TUBGCP5: variants seen among roughly 807,000 people sequenced by gnomAD.
TUBGCP5 encodes the protein tubulin gamma complex component 5, also known as gamma-tubulin complex component 5.
Under a neutral mutation model 134.7 loss-of-function variants are expected in TUBGCP5, and 98 were observed. The ratio of observed to expected loss-of-function variants is 0.73; its 90% CI spans 0.62 to 0.86. The LOEUF (loss-of-function observed/expected upper bound fraction) is 0.86. Ranked by LOEUF, TUBGCP5 falls within the 40% of genes least tolerant of loss-of-function variation. The pLI is 0.00. For missense variants in TUBGCP5, 1,150 were observed against 1,244.8 expected, an observed-to-expected ratio of 0.92 and a Z score of 1.15; for synonymous variants, 456 against 431.4, an observed-to-expected ratio of 1.06 and a Z score of -0.71.
Position 23,027,145 on chromosome 15 carries a change from CA to C in TUBGCP5, c.737+46del, listed in dbSNP as rs761920393. 7 of 1,406,498 alleles carry C rather than the reference CA, an allele frequency of 5.0e-6. No homozygotes were observed. In the South Asian group the frequency reaches 8.9e-5, roughly 18 times the overall value. 87.1% of individuals were successfully genotyped at this position (1,406,498 alleles called of 1,614,324 possible). A position where few individuals can be genotyped will look rare whatever the true frequency, so the allele number is the denominator to read the frequency against. ...AAATCAAAGCCAAACGTTTAAACAT[CA>C]AAGTTTCTTCTATCATCACATTAAA... On this transcript the variant is annotated intron_variant, in intron 7 of 22. Transcript: ENST00000615383.
intron 13 of TUBGCP5, among the ~76,000 whole-genome samples, chr15:23,016,931 G>A (rs116270477): frequency 0.034 from 4,431 of 131,784 alleles, 179 homozygotes; most frequent in African/African-American, 0.1. Flanking sequence ...AATCAACCTA[G>A]GTGCCCAACA....
intron 10 of TUBGCP5, 36 bp downstream of exon 10, chr15:23,023,911 C>A (rs759663262): frequency 1.3e-6 from 2 of 1,599,042 alleles, no homozygotes; most frequent in East Asian, 2.2e-5. Context: ...TTATGAGTTA[C>A]GTGTAGTATG....
downstream of TUBGCP5, among the ~76,000 whole-genome samples, chr15:22,998,339 A>C (rs1044461987): frequency 1.3e-5 from 2 of 152,022 alleles, no homozygotes; most frequent in Non-Finnish European, 2.9e-5. Context: ...AATACCAAAC[A>C]ATAGTATGTA....
intron 15 of TUBGCP5, among the ~76,000 whole-genome samples, chr15:23,009,563 C>T (rs1164703167): frequency 1.3e-5 from 2 of 152,052 alleles, no homozygotes; most frequent in African/African-American, 2.4e-5. Flanking sequence ...CCACCGTGCT[C>T]GGCCTAATTG....
At chr15:22,983,861 G>T (rs946471543) in intron 23 of TUBGCP5, among the ~76,000 whole-genome samples, 1 of 152,150 alleles carries the variant, frequency 6.6e-6, no homozygotes, top group African/African-American at 2.4e-5. Context: ...GGTGGCTCAT[G>T]CCTGTAATCC....
At position 23,031,966 on chromosome 15, in the gene TUBGCP5, G is replaced by A. The variant is rs371086875; in HGVS notation, c.470C>T (p.Pro157Leu). 3.7e-6 allele frequency: 6 copies of A among 1,611,508 alleles called. No individual in the cohort carries two copies. Among genetic ancestry groups the A allele is most frequent in the Non-Finnish European group, 5.1e-6 (6 of 1,178,658 alleles). Reference sequence around the variant, plus strand: ...ACCACTTACTGGTGTGTCCATGTACGGACCAATGTCCATTTCTTCATCTTC... The same window carrying A: ...ACCACTTACTGGTGTGTCCATGTACAGACCAATGTCCATTTCTTCATCTTC... ...LMEDEEMDIG[P>L]YMDTPNWSEE... Residue 157 changes from proline (P) to leucine (L), a missense_variant, in exon 5 of 23, where the codon CCG becomes CTG. Physicochemically the swap from Pro to Leu is moderately conservative, Grantham distance 98. Coordinates refer to ENST00000615383, the MANE Select transcript of TUBGCP5 (RefSeq NM_052903.6).
At chr15:23,016,969 G>GATATATAT (rs57631069) in intron 13 of TUBGCP5, among the ~76,000 whole-genome samples, 3,669 of 109,398 alleles carry the variant, frequency 0.034, 336 homozygotes, top group African/African-American at 0.11. Flanking sequence ...AAAATTGTGA[G>GATATATAT]ATATATATAT....
At chr15:23,030,782 G>T in intron 6 of TUBGCP5, 103 bp downstream of exon 6, 1 of 1,410,478 alleles carries the variant, frequency 7.1e-7, no homozygotes, top group Non-Finnish European at 9.6e-7. Flanking sequence ...GGATGGTAGA[G>T]CTTAGCCAAT....
rs71414252 is a variant in TUBGCP5 at position 22,993,525 on chromosome 15, G to GTTTTTTTTTTTTTTTT, written c.*61+3304_*61+3319dup. ...TAATCCTCCCACCTCAGCCCCCGAAGTTTTTTTTTTTTTTTTTTTTTTTTT... is the reference window on the plus strand; with the variant it reads ...TAATCCTCCCACCTCAGCCCCCGAAGTTTTTTTTTTTTTTTTTTTTTTTTTTTTTTTTTTTTTTTTT... On this transcript the variant is annotated intron_variant and NMD_transcript_variant, in intron 23 of 23. Transcript: ENST00000614508. 3.2e-4 allele frequency among the ~76,000 whole-genome samples: 22 copies of GTTTTTTTTTTTTTTTT among 69,284 alleles called. 3 individuals are homozygous for GTTTTTTTTTTTTTTTT. The highest frequency in any genetic ancestry group is 9.6e-4 in the African/African-American group (16 of 16,732). The allele number at this position is 69,284 out of a possible 152,430, so 45.5% of individuals were successfully genotyped here. A position where few individuals can be genotyped will look rare whatever the true frequency, so the allele number is the denominator to read the frequency against.
intron 20 of TUBGCP5, 147 bp downstream of exon 20, chr15:23,003,955 G>A: frequency 9.5e-7 from 1 of 1,055,060 alleles, no homozygotes; most frequent in Non-Finnish European, 1.3e-6. Context: ...GGCCGGCCTG[G>A]GGCATTTGTT....
chr15:23,006,075 C>A lies in TUBGCP5; in HGVS notation c.2510G>T (p.Ser837Ile). ...LLLQIKWAKYSLDVLLFGELV... is the reference protein window; with the variant it reads ...LLLQIKWAKYILDVLLFGELV... Reference sequence around the variant, plus strand: ...ACCACCAAAAAGTAAAACATCCAGACTATATTTTGCCCACTTTATTTGCAA... The same window carrying A: ...ACCACCAAAAAGTAAAACATCCAGAATATATTTTGCCCACTTTATTTGCAA... Residue 837 changes from serine to isoleucine, a missense_variant, in exon 18 of 23, where the codon AGT becomes ATT. Ser to Ile is a moderately radical substitution (Grantham distance 142). Around this residue, in one of 2 missense-constraint regions of TUBGCP5, gnomAD observed 697 missense variants for 850.1 expected, o/e 0.82. Coordinates refer to ENST00000615383, the MANE Select transcript of TUBGCP5 (RefSeq NM_052903.6). 6.2e-7 allele frequency: 1 copy of A among 1,608,216 alleles called. No individual in the cohort carries two copies.
intron 8 of TUBGCP5, among the ~76,000 whole-genome samples, chr15:23,025,318 T>C (rs955501646): frequency 1.3e-5 from 2 of 152,214 alleles, no homozygotes; most frequent in Non-Finnish European, 2.9e-5. Flanking sequence ...TTCAACATCA[T>C]CTTAGAGAAG....
At chr15:23,026,999 T>G (rs977021926) in intron 7 of TUBGCP5, among the ~76,000 whole-genome samples, 193 bp downstream of exon 7, 1 of 151,864 alleles carries the variant, frequency 6.6e-6, no homozygotes, top group Non-Finnish European at 1.5e-5. Flanking sequence ...TAGACTGCAG[T>G]GAGCTGAGAT....
At chr15:22,994,291 T>C (rs576125896), downstream of TUBGCP5, among the ~76,000 whole-genome samples, 2 of 151,556 alleles carry the variant, frequency 1.3e-5, no homozygotes, top group African/African-American at 4.8e-5. Context: ...GGTTTCACCA[T>C]ATTGGCCAGG....
At chr15:22,996,730 G>A (rs146203689), downstream of TUBGCP5, 949 of 152,160 alleles carry the variant, frequency 6.2e-3, 11 homozygotes, top group African/African-American at 0.021. Flanking sequence ...TCAAGTGATC[G>A]GTCTGCCTAG....
In TUBGCP5 at chr15:23,006,153, A is replaced by G; in HGVS notation, c.2432T>C (p.Ile811Thr). Reference sequence around the variant, plus strand: ...TTTTTGACATTCCAAACTTATAACAATGTCCACGGGCCATGGGACCTATGA... The same window carrying G: ...TTTTTGACATTCCAAACTTATAACAGTGTCCACGGGCCATGGGACCTATGA... ...LSYKVPWPVD[I>T]VISLECQKIY... The change falls in exon 18 of 23, where the codon ATT becomes ACT. Residue 811 changes from isoleucine (I) to threonine (T), a missense_variant. Physicochemically the swap from Ile to Thr is moderately conservative, Grantham distance 89. This residue lies in a region of TUBGCP5 where 697 missense variants were observed against 850.1 expected (regional missense o/e 0.82). Transcript: ENST00000615383. The G allele has an allele frequency of 6.2e-7, 1 of 1,610,428 alleles. No homozygotes were observed.
chr15:23,035,656 T>C (rs79843316), intron 3 of TUBGCP5, among the ~76,000 whole-genome samples: 4,577 of 152,192 alleles, frequency 0.03, 236 homozygotes, highest in African/African-American at 0.11. Context: ...TGGAGCCCTG[T>C]TCCTAGCAGG....
At chr15:23,039,252 G>C in intron 1 of TUBGCP5, 146 bp downstream of exon 1, 1 of 936,474 alleles carries the variant, frequency 1.1e-6, no homozygotes, top group African/African-American at 1.8e-5. Context: ...GGAGCAGGCG[G>C]TGGCAGGGCC....
chr15:23,022,029 G>C lies in TUBGCP5; in HGVS notation c.1301C>G (p.Ser434Cys), dbSNP rs770033949. 1.9e-5 allele frequency: 30 copies of C among 1,614,078 alleles called. 1 individual carries two copies. The highest frequency in any genetic ancestry group is 1.5e-5 in the Non-Finnish European group (18 of 1,180,040). The change falls in exon 11 of 23, where the codon TCT becomes TGT. Residue 434 changes from serine (S) to cysteine (C), a missense_variant. Transcript: ENST00000615383. ...PPDTRNVVRA[S>C]HLLNTLYKAI... Reference sequence around the variant, plus strand: ...CTTGTACAGGGTGTTAAGCAGGTGAGAGGCCCGGACGACATTTCGAGTATC... The same window carrying C: ...CTTGTACAGGGTGTTAAGCAGGTGACAGGCCCGGACGACATTTCGAGTATC...
Sources: gnomAD v4.1 joint callset for allele counts (sites outside exome capture counted in the v4.1 genomes callset) on GRCh38, gnomAD v4.1.1 for gene constraint, gnomAD v4.1.1 regional missense constraint, MANE v1.5 for transcripts, NCBI Gene and HGNC (gene_info 2026-07-23, HGNC 2026-07-21) for gene names.